PPP1R14D: variants seen among roughly 807,000 people sequenced by gnomAD.
The protein encoded by PPP1R14D is protein phosphatase 1 regulatory subunit 14D.
PPP1R14D carries 14 observed loss-of-function variants against 17.1 expected under a neutral mutation model. The observed-to-expected ratio is 0.82, with a 90% CI of 0.54 to 1.28. The LOEUF (loss-of-function observed/expected upper bound fraction) is 1.28, where lower values mean the gene tolerates loss of function less well. PPP1R14D is among the 50% of genes most tolerant of loss of function. The pLI, the probability that PPP1R14D is intolerant of heterozygous loss-of-function variation, is 0.00. For synonymous variants in PPP1R14D, 67 were observed against 66.1 expected (o/e 1.01, Z -0.06); for missense variants, 173 against 179.2 (o/e 0.97, Z 0.20).
At chr15:40,823,282 AT>A (rs920097227) in intron 1 of PPP1R14D, among the ~76,000 whole-genome samples, 1 of 151,062 alleles carries the variant, frequency 6.6e-6, no homozygotes, top group Non-Finnish European at 1.5e-5. Context: ...ATTTTTAAAA[AT>A]TTTTTTGTTG....
intron 1 of PPP1R14D, among the ~76,000 whole-genome samples, chr15:40,822,144 A>G (rs1463298851): frequency 6.6e-6 from 1 of 151,982 alleles, no homozygotes; most frequent in Non-Finnish European, 1.5e-5. Context: ...TTTATAATGT[A>G]AAAAAGTTAC....
intron 1 of PPP1R14D, among the ~76,000 whole-genome samples, chr15:40,825,862 C>T (rs796586390): frequency 1.1e-4 from 17 of 152,306 alleles, no homozygotes; most frequent in African/African-American, 3.6e-4. Context: ...TGCCTGGGAA[C>T]GCTCCTTCCA....
intron 1 of PPP1R14D, among the ~76,000 whole-genome samples, chr15:40,821,341 A>G (rs917179987): frequency 6.6e-6 from 1 of 152,094 alleles, no homozygotes; most frequent in Non-Finnish European, 1.5e-5. Context: ...TCTCAAAACA[A>G]ACAAACAAAC....
chr15:40,819,708 CTGATT>C (rs1187107407), intron 1 of PPP1R14D, among the ~76,000 whole-genome samples: 7 of 152,058 alleles, frequency 4.6e-5, no homozygotes, highest in Non-Finnish European at 5.9e-5. Context: ...TTTTTTCTTA[CTGATT>C]TAAGAACTCT....
chr15:40,823,599 T>C (rs552041108), intron 1 of PPP1R14D, among the ~76,000 whole-genome samples: 1 of 152,290 alleles, frequency 6.6e-6, no homozygotes, highest in African/African-American at 2.4e-5. Flanking sequence ...ACCTTTTCTA[T>C]GTTCAGATAT....
In PPP1R14D at chr15:40,820,944, G is replaced by T. The variant is rs187440306; in HGVS notation, c.256-4691C>A. Reference sequence around the variant, plus strand: ...CTCATGCCTTAATCTCGGCACTTTGGTGGGGGTTAAGACAGGAGAGTGCTT... The same window carrying T: ...CTCATGCCTTAATCTCGGCACTTTGTTGGGGGTTAAGACAGGAGAGTGCTT... On this transcript the variant is annotated intron_variant, in intron 1 of 3. Transcript: ENST00000299174. 2.6e-5 allele frequency among the ~76,000 whole-genome samples: 4 copies of T among 151,986 alleles called. No homozygotes were observed. The East Asian group carries it at 7.7e-4, about 29-fold the overall frequency.
intron 1 of PPP1R14D, among the ~76,000 whole-genome samples, chr15:40,819,067 T>C (rs1260747664): frequency 6.6e-6 from 1 of 152,180 alleles, no homozygotes; most frequent in African/African-American, 2.4e-5. Context: ...ATATAATTAA[T>C]AAAATTAATA....
At chr15:40,816,866 G>T (rs1430258655) in intron 1 of PPP1R14D, among the ~76,000 whole-genome samples, 1 of 152,102 alleles carries the variant, frequency 6.6e-6, no homozygotes, top group Admixed American at 6.6e-5. Flanking sequence ...GAGGTCACGA[G>T]TTCGAGACCA....
chr15:40,818,213 C>T lies in PPP1R14D; in HGVS notation c.256-1960G>A, dbSNP rs1175803248. Among the ~76,000 whole-genome samples, 5 of 141,640 alleles carry T rather than the reference C, an allele frequency of 3.5e-5. 1 individual carries two copies. The South Asian group carries it at 7.3e-4, about 21-fold the overall frequency. The allele number at this position is 141,640 out of a possible 152,430, so 92.9% of individuals were successfully genotyped here. ...CTGAGGCAGGAGAATGGTGTGAACC[C>T]GGGAGGCAGAGCTTGCAGTGAGCCA... On this transcript the variant is annotated intron_variant, in intron 1 of 3. Coordinates refer to ENST00000299174, the MANE Select transcript of PPP1R14D (RefSeq NM_017726.8).
At position 40,816,003 on chromosome 15, in the gene PPP1R14D, G is replaced by A; in HGVS notation, c.340-9C>T. On this transcript the variant is annotated splice_polypyrimidine_tract_variant and intron_variant, in intron 2 of 3. Transcript: ENST00000299174. ...CAGTTCCCAAGAATGGCCTAGATAGGAGAGAACACAGACAGGGCCCCAAGT... is the reference window on the plus strand; with the variant it reads ...CAGTTCCCAAGAATGGCCTAGATAGAAGAGAACACAGACAGGGCCCCAAGT... 6.2e-7 allele frequency: 1 copy of A among 1,614,004 alleles called. No individual in the cohort carries two copies. Among genetic ancestry groups the A allele is most frequent in the Non-Finnish European group, 8.5e-7 (1 of 1,179,970 alleles).
intron 1 of PPP1R14D, among the ~76,000 whole-genome samples, chr15:40,823,996 TAAA>T (rs397943870): frequency 1.2e-4 from 15 of 126,400 alleles, no homozygotes; most frequent in Non-Finnish European, 8.5e-5. Context: ...CCATCTCCAT[TAAA>T]AAAAAAAAAA....
chr15:40,822,625 A>AT (rs1161623136), intron 1 of PPP1R14D, among the ~76,000 whole-genome samples: 4 of 150,780 alleles, frequency 2.7e-5, no homozygotes, highest in Non-Finnish European at 5.9e-5. Context: ...TAATTTTTGC[A>AT]TTTTTTTAGG....
At chr15:40,826,566 C>A (rs1031248810) in intron 1 of PPP1R14D, among the ~76,000 whole-genome samples, 1 of 152,144 alleles carries the variant, frequency 6.6e-6, no homozygotes, top group African/African-American at 2.4e-5. Context: ...GAACCATTGG[C>A]TGCTCAAATA....
At chr15:40,815,813 A>AGCCCCC in intron 3 of PPP1R14D, 52 bp from the exon 4 acceptor site, 1 of 847,954 alleles carries the variant, frequency 1.2e-6, no homozygotes, top group Non-Finnish European at 1.8e-6. Flanking sequence ...TTCACCCCCC[A>AGCCCCC]CCCTGCCCTC....
chr15:40,823,518 C>T (rs916089233), intron 1 of PPP1R14D, among the ~76,000 whole-genome samples: 2 of 152,210 alleles, frequency 1.3e-5, no homozygotes, highest in African/African-American at 4.8e-5. Flanking sequence ...TCCAGTCCTG[C>T]AAGCTCCATT....
At chr15:40,827,556 A>G (rs546797612) in intron 1 of PPP1R14D, among the ~76,000 whole-genome samples, 1 of 147,172 alleles carries the variant, frequency 6.8e-6, no homozygotes, top group East Asian at 2.2e-4. Context: ...TGGGGAACTG[A>G]ATAATTTTAT....
chr15:40,818,804 A>G (rs1890721917), intron 1 of PPP1R14D, among the ~76,000 whole-genome samples: 1 of 152,220 alleles, frequency 6.6e-6, no homozygotes, highest in Admixed American at 6.6e-5. Flanking sequence ...TTTGTCCAAA[A>G]CCATAGAATG....
At chr15:40,817,534 T>A (rs1890693778) in intron 1 of PPP1R14D, among the ~76,000 whole-genome samples, 1 of 152,016 alleles carries the variant, frequency 6.6e-6, no homozygotes, top group Non-Finnish European at 1.5e-5. Context: ...CATTCATTCA[T>A]GTCATTCATT....
intron 1 of PPP1R14D, among the ~76,000 whole-genome samples, chr15:40,818,288 CAAAAA>C (rs764375543): frequency 1.1e-4 from 4 of 37,124 alleles, no homozygotes; most frequent in African/African-American, 2.0e-4. Flanking sequence ...GACTCCATCT[CAAAAA>C]AAAAAAAAAA....
Sources: allele counts gnomAD v4.1 joint callset (sites outside exome capture counted in the v4.1 genomes callset), GRCh38; gene constraint gnomAD v4.1.1; transcripts MANE v1.5; gene names NCBI Gene and HGNC (gene_info 2026-07-23, HGNC 2026-07-21).